The following ASB11 variants were observed in gnomAD, a reference collection of about 807,000 sequenced individuals.
ASB11 encodes ankyrin repeat and SOCS box containing 11.
A neutral mutation model predicts 20.1 loss-of-function variants in ASB11; 17 were observed. The observed-to-expected ratio is 0.85, with a 90% CI of 0.58 to 1.27. The LOEUF is 1.27. Ranked by LOEUF, ASB11 falls within the 50% of genes most tolerant of loss-of-function variation. ASB11 has a pLI of 0.00. For synonymous variants in ASB11, 107 were observed against 105.6 expected (o/e 1.01, Z -0.08); for missense variants, 259 against 256.9 (o/e 1.01, Z -0.06).
In ASB11 at chrX:15,285,181, G is replaced by A. The variant is rs181464214; in HGVS notation, c.848-1552C>T. Among the ~76,000 whole-genome samples the A allele has an allele frequency of 9.3e-3, 869 of 93,238 alleles. 5 individuals carry two copies. Among genetic ancestry groups the A allele is most frequent in the Non-Finnish European group, 0.015 (706 of 48,548 alleles). The allele number at this position is 93,238 out of a possible 115,157, so 81.0% of individuals were successfully genotyped here. ...TTTTTTGACAGAATCTCACTCGGTC[G>A]CCCAGGCTGAAATGCAGTGGTTCAA... is the stretch of plus-strand genomic sequence containing the variant. On this transcript the variant is annotated intron_variant, in intron 6 of 6. Coordinates refer to ENST00000480796, the MANE Select transcript of ASB11 (RefSeq NM_080873.3).
chrX:15,293,231 G>A lies in ASB11; in HGVS notation c.459C>T (p.Phe153=), dbSNP rs1442430312. Residue 153 remains phenylalanine (F), a synonymous_variant, in exon 4 of 7, where the codon TTC becomes TTT. Coordinates refer to ENST00000480796, the MANE Select transcript of ASB11 (RefSeq NM_080873.3). ...GCACCTCCAACTGGGCCTTGGCTCC[G>A]AACTCCAGCAGCACATTGACACATG... ...SAACVNVLLE[F]GAKAQLEVHL... is the part of the protein sequence containing the mutation. 3.3e-6 allele frequency: 4 copies of A among 1,211,683 alleles called. No homozygotes were observed. The highest frequency in any genetic ancestry group is 3.5e-5 in the South Asian group (2 of 56,976).
At chrX:15,287,844 C>T (rs781726059) in intron 6 of ASB11, 37 bp downstream of exon 6, 1 of 1,162,280 alleles carries the variant, frequency 8.6e-7, no homozygotes. Flanking sequence ...AGAGAATGTG[C>T]TTATGGAAGA....
At chrX:15,310,576 C>G (rs774065680) in intron 1 of ASB11, among the ~76,000 whole-genome samples, 2 of 112,533 alleles carry the variant, frequency 1.8e-5, no homozygotes, top group African/African-American at 6.4e-5. Flanking sequence ...AACATTGGTT[C>G]AGATGGAGTA....
chrX:15,284,237 G>T lies in ASB11; in HGVS notation c.848-608C>A, dbSNP rs1369318039. Among the ~76,000 whole-genome samples, 7 of 94,058 alleles carry T rather than the reference G, an allele frequency of 7.4e-5. No homozygotes were observed. In the East Asian group the frequency reaches 2.0e-3, roughly 26 times the overall value. The allele number at this position is 94,058 out of a possible 115,157, so 81.7% of individuals were successfully genotyped here. A position where few individuals can be genotyped will look rare whatever the true frequency, so the allele number is the denominator to read the frequency against. On this transcript the variant is annotated intron_variant, in intron 6 of 6. Coordinates refer to ENST00000480796, the MANE Select transcript of ASB11 (RefSeq NM_080873.3). ...ACTGCACTCCAGCCTGGGCGACAGA[G>T]CGAGACTCCGCCTCAAAAAAAAAAA...
At chrX:15,295,046 T>A (rs1255933226) in intron 3 of ASB11, among the ~76,000 whole-genome samples, 2 of 111,802 alleles carry the variant, frequency 1.8e-5, no homozygotes, top group African/African-American at 3.3e-5. Flanking sequence ...GAATTTTTTT[T>A]AATTTTTTTA....
intron 5 of ASB11, among the ~76,000 whole-genome samples, chrX:15,288,489 C>T (rs1927447668): frequency 8.9e-6 from 1 of 111,959 alleles, no homozygotes; most frequent in South Asian, 3.7e-4. Context: ...CAAAAACTTC[C>T]TCAAGATAAA....
chrX:15,288,150 A>G, intron 5 of ASB11, 78 bp from the exon 6 acceptor site: 1 of 1,001,037 alleles, frequency 1.0e-6, no homozygotes, highest in Non-Finnish European at 1.3e-6. Flanking sequence ...GTCATTGCAT[A>G]TAAAGACATT....
intron 6 of ASB11, among the ~76,000 whole-genome samples, chrX:15,287,024 T>G (rs1201611608): frequency 8.9e-6 from 1 of 112,340 alleles, no homozygotes; most frequent in Non-Finnish European, 1.9e-5. Flanking sequence ...GAATTTCAGA[T>G]GCTCGCCTTA....
chrX:15,314,268 A>G, intron 1 of ASB11: 2 of 1,027,894 alleles, frequency 1.9e-6, no homozygotes, highest in Admixed American at 3.4e-5. Flanking sequence ...CCAAATTGAC[A>G]AATTAAATTA....
At chrX:15,286,717 C>T (rs1425586288) in intron 6 of ASB11, among the ~76,000 whole-genome samples, 1 of 106,044 alleles carries the variant, frequency 9.4e-6, no homozygotes, top group Non-Finnish European at 1.9e-5. Flanking sequence ...GGCTCAGAAT[C>T]CTACCTAATT....
chrX:15,309,463 G>T (rs2147703888), intron 1 of ASB11, among the ~76,000 whole-genome samples: 1 of 109,755 alleles, frequency 9.1e-6, no homozygotes, highest in African/African-American at 3.3e-5. Flanking sequence ...ATTATGGTGA[G>T]TTGTATAATT....
intron 4 of ASB11, among the ~76,000 whole-genome samples, chrX:15,290,658 C>G (rs1210389406): frequency 9.0e-6 from 1 of 111,632 alleles, no homozygotes; most frequent in Non-Finnish European, 1.9e-5. Flanking sequence ...AGAGTTAGTT[C>G]TCTTTGAAGA....
chrX:15,314,532 C>T, intron 1 of ASB11: 1 of 1,162,017 alleles, frequency 8.6e-7, no homozygotes, highest in Non-Finnish European at 1.1e-6. Flanking sequence ...GATAAGACTG[C>T]TGTTGTCTAG....
At chrX:15,296,590 A>G (rs762711834) in intron 3 of ASB11, among the ~76,000 whole-genome samples, 1 of 112,096 alleles carries the variant, frequency 8.9e-6, no homozygotes, top group South Asian at 3.7e-4. Context: ...GTTTGGAGAT[A>G]AATTTAAAAT....
In ASB11 at chrX:15,287,626, G is replaced by A. The variant is rs183272022; in HGVS notation, c.847+255C>T. 1.5e-4 allele frequency among the ~76,000 whole-genome samples: 17 copies of A among 112,557 alleles called. No homozygotes were observed. The East Asian group carries it at 2.5e-3, about 17-fold the overall frequency. The stretch of plus-strand genomic sequence containing the variant: ...AGGCGTGAGCCACCACGCCCAGCCG[G>A]TTTTCTGGTTATTTTCTTGTTATAT... On this transcript the variant is annotated intron_variant, in intron 6 of 6. Coordinates refer to ENST00000480796, the MANE Select transcript of ASB11 (RefSeq NM_080873.3).
At chrX:15,305,585 GA>G (rs199507047) in intron 1 of ASB11, among the ~76,000 whole-genome samples, 25 of 83,344 alleles carry the variant, frequency 3.0e-4, no homozygotes, top group Non-Finnish European at 4.7e-4. Context: ...ATTTTAACAA[GA>G]AAAAAAAAGA....
At position 15,315,575 on chromosome X, in the gene ASB11, T is replaced by C. The variant is rs1921588690; in HGVS notation, c.31A>G (p.Lys11Glu). Residue 11 changes from lysine to glutamate, a missense_variant, in exon 1 of 7, where the codon AAA becomes GAA. By Grantham distance (56) the Lys-to-Glu change is moderately conservative. Transcript: ENST00000480796. ...GCAAACATTGTAATAAAAATGTTTT[T>C]AAAGCCATAGAAAACAGGACCATCT... MEDGPVFYGF[K>E]NIFITMFATF... 2.5e-6 allele frequency: 3 copies of C among 1,186,619 alleles called. No individual in the cohort carries two copies. Among genetic ancestry groups the C allele is most frequent in the South Asian group, 1.9e-5 (1 of 51,767 alleles).
chrX:15,314,544 G>T, intron 1 of ASB11: 1 of 1,130,957 alleles, frequency 8.8e-7, no homozygotes, highest in Non-Finnish European at 1.2e-6. Context: ...GTTGTCTAGT[G>T]TCTTCTGAGT....
At chrX:15,293,913 C>T (rs1266196440) in intron 3 of ASB11, among the ~76,000 whole-genome samples, 1 of 107,816 alleles carries the variant, frequency 9.3e-6, no homozygotes, top group Non-Finnish European at 1.9e-5. Flanking sequence ...GGAGGGATAG[C>T]ATTAGGATGT....
Sources: allele counts gnomAD v4.1 joint callset (sites outside exome capture counted in the v4.1 genomes callset), GRCh38; gene constraint gnomAD v4.1.1; transcripts MANE v1.5; gene names NCBI Gene and HGNC (gene_info 2026-07-23, HGNC 2026-07-21).